SLC2A9: variants seen among roughly 807,000 people sequenced by gnomAD.
The protein encoded by SLC2A9 is solute carrier family 2, facilitated glucose transporter member 9.
SLC2A9 carries 39 observed loss-of-function variants against 50.6 expected under a neutral mutation model. The ratio of observed to expected loss-of-function variants is 0.77; its 90% confidence interval spans 0.60 to 1.01. The LOEUF (loss-of-function observed/expected upper bound fraction) is 1.01, where lower values mean the gene tolerates loss of function less well. Among genes scored for constraint, SLC2A9 ranks in the 50% least tolerant of loss-of-function variants. SLC2A9 has a pLI of 0.00. For missense variants in SLC2A9, 686 were observed against 677.6 expected, an observed-to-expected ratio of 1.01 and a Z score of -0.14; for synonymous variants, 324 against 276.9, an observed-to-expected ratio of 1.17 and a Z score of -1.69.
At chr4:9,984,994 T>C (rs148794279) in intron 4 of SLC2A9, among the ~76,000 whole-genome samples, 1 of 152,174 alleles carries the variant, frequency 6.6e-6, no homozygotes, top group Non-Finnish European at 1.5e-5. Context: ...TCCTTCCGCC[T>C]CTGAGACATA....
chr4:10,010,225 T>C (rs1578321521), intron 2 of SLC2A9, among the ~76,000 whole-genome samples: 2 of 152,164 alleles, frequency 1.3e-5, no homozygotes, highest in Non-Finnish European at 2.9e-5. Flanking sequence ...ACACTGAAGC[T>C]TGGGTGAGCT....
chr4:9,877,737 C>A (rs1333535805), intron 10 of SLC2A9, among the ~76,000 whole-genome samples: 1 of 152,162 alleles, frequency 6.6e-6, no homozygotes, highest in Non-Finnish European at 1.5e-5. Context: ...GCAGGCCTGG[C>A]ATTGAGATAA....
chr4:9,806,371 C>T (rs370168024), intron 3 of SLC2A9, among the ~76,000 whole-genome samples: 117 of 152,348 alleles, frequency 7.7e-4, no homozygotes, highest in Middle Eastern at 3.4e-3. Context: ...AGATAACTAG[C>T]CAGCGCCATC....
At chr4:9,927,786 C>T (rs1426472939) in intron 6 of SLC2A9, among the ~76,000 whole-genome samples, 1 of 152,082 alleles carries the variant, frequency 6.6e-6, no homozygotes, top group African/African-American at 2.4e-5. Context: ...GAACCTGGAG[C>T]CTTCACATGG....
In SLC2A9 at chr4:9,997,531, C is replaced by G. The variant is rs552873028; in HGVS notation, c.250-590G>C. On this transcript the variant is annotated intron_variant, in intron 2 of 11. Transcript: ENST00000264784. Reference sequence around the variant, plus strand: ...TCTGGCCAAGATGGTGAAACCCTGTCTCTACTAAAAATACAAAAATTTGCC... The same window carrying G: ...TCTGGCCAAGATGGTGAAACCCTGTGTCTACTAAAAATACAAAAATTTGCC... Among the ~76,000 whole-genome samples, 236 of 152,230 alleles carry G rather than the reference C, an allele frequency of 1.6e-3. 1 individual carries two copies. The highest frequency in any genetic ancestry group is 5.6e-3 in the African/African-American group (232 of 41,514).
chr4:9,822,234 G>T (rs1341032890), downstream of SLC2A9, among the ~76,000 whole-genome samples: 1 of 151,688 alleles, frequency 6.6e-6, no homozygotes, highest in East Asian at 1.9e-4. Context: ...ACCAATTTTT[G>T]GTTTCATCGA....
intron 3 of SLC2A9, among the ~76,000 whole-genome samples, chr4:9,805,976 G>A (rs868331096): frequency 2.6e-5 from 4 of 152,290 alleles, no homozygotes; most frequent in South Asian, 2.1e-4. Flanking sequence ...CAGCAAGTAC[G>A]CGGTGGAGCC....
chr4:9,882,943 T>G (rs1735491140), intron 10 of SLC2A9, among the ~76,000 whole-genome samples: 3 of 152,142 alleles, frequency 2.0e-5, no homozygotes, highest in Admixed American at 2.0e-4. Context: ...TCTACTTAGA[T>G]GGTAAGGTTT....
chr4:9,797,638 C>T (rs1370092971), downstream of SLC2A9, among the ~76,000 whole-genome samples: 1 of 152,152 alleles, frequency 6.6e-6, no homozygotes, highest in Non-Finnish European at 1.5e-5. Context: ...GTTAATTATC[C>T]ATAAACTTGT....
intron 10 of SLC2A9, among the ~76,000 whole-genome samples, chr4:9,884,072 A>G (rs1469306913): frequency 6.6e-6 from 1 of 152,246 alleles, no homozygotes; most frequent in Non-Finnish European, 1.5e-5. Context: ...GCATGTGCTC[A>G]TCTACCTGGG....
intron 3 of SLC2A9, among the ~76,000 whole-genome samples, chr4:9,800,767 G>C (rs1256188907): frequency 6.6e-6 from 1 of 152,204 alleles, no homozygotes; most frequent in Non-Finnish European, 1.5e-5. Context: ...TAGGTAATCT[G>C]GAGATGATTT....
chr4:9,924,068 C>T (rs938554), intron 6 of SLC2A9: 1 of 151,890 alleles, frequency 6.6e-6, no homozygotes, highest in Non-Finnish European at 1.5e-5. Flanking sequence ...AGTTCTGAGA[C>T]CCCTGAAGGT....
intron 2 of SLC2A9, among the ~76,000 whole-genome samples, chr4:9,999,796 T>A (rs571584378): frequency 6.6e-6 from 1 of 152,102 alleles, no homozygotes; most frequent in East Asian, 1.9e-4. Flanking sequence ...GGCAAGTGGA[T>A]GAAAGAGGAG....
chr4:9,974,017 A>G (rs1397108285), intron 5 of SLC2A9, among the ~76,000 whole-genome samples: 1 of 152,222 alleles, frequency 6.6e-6, no homozygotes. Flanking sequence ...GGTTAGTTTA[A>G]CATATGCAAA....
intron 10 of SLC2A9, among the ~76,000 whole-genome samples, chr4:9,887,072 C>A (rs1736403538): frequency 6.6e-6 from 1 of 152,244 alleles, no homozygotes; most frequent in Non-Finnish European, 1.5e-5. Context: ...TCCACCTACT[C>A]GCTCATGCAA....
At position 9,879,582 on chromosome 4, in the gene SLC2A9, T is replaced by G. The variant is rs1281139487; in HGVS notation, c.1291+7985A>C. ...TCCTTTTTCCAAGCAAGGTATGTGCTGAGGCATCTTCCATCAGGACCGCTC... is the reference window on the plus strand; with the variant it reads ...TCCTTTTTCCAAGCAAGGTATGTGCGGAGGCATCTTCCATCAGGACCGCTC... On this transcript the variant is annotated intron_variant, in intron 10 of 11. Transcript: ENST00000264784. The G allele has an allele frequency of 6.1e-6, 6 of 985,266 alleles. No individual in the cohort carries two copies. The African/African-American group carries it at 8.7e-5, about 14-fold the overall frequency. The allele number at this position is 985,266 out of a possible 1,614,324, so 61.0% of individuals were successfully genotyped here. A position where few individuals can be genotyped will look rare whatever the true frequency, so the allele number is the denominator to read the frequency against.
upstream of SLC2A9, among the ~76,000 whole-genome samples, chr4:10,023,386 C>A (rs1472118996): frequency 6.6e-6 from 1 of 152,184 alleles, no homozygotes; most frequent in African/African-American, 2.4e-5. Flanking sequence ...ATCTCATTTA[C>A]CCCTCCTCAT....
chr4:9,983,858 T>C (rs1756285682), intron 4 of SLC2A9, among the ~76,000 whole-genome samples: 1 of 152,200 alleles, frequency 6.6e-6, no homozygotes, highest in South Asian at 2.1e-4. Context: ...TTAATGAAAT[T>C]AATGGAAGCA....
chr4:9,929,355 G>A (rs1471718403), intron 6 of SLC2A9, among the ~76,000 whole-genome samples: 1 of 152,208 alleles, frequency 6.6e-6, no homozygotes, highest in Non-Finnish European at 1.5e-5. Flanking sequence ...ACTTCTATGG[G>A]CAAAGGGCAT....
Sources: allele counts gnomAD v4.1 joint callset (sites outside exome capture counted in the v4.1 genomes callset), GRCh38; gene constraint gnomAD v4.1.1; transcripts MANE v1.5; gene names NCBI Gene and HGNC (gene_info 2026-07-23, HGNC 2026-07-21).